The following ATM variants were observed in gnomAD, a reference collection of about 807,000 sequenced individuals.
ATM encodes serine-protein kinase ATM.
ATM carries 308 observed loss-of-function variants against 387.0 expected under a neutral mutation model. The ratio of observed to expected loss-of-function variants is 0.80; its 90% CI spans 0.73 to 0.87. ATM has a LOEUF of 0.87. Among genes scored for constraint, ATM ranks in the 40% least tolerant of loss-of-function variants. ATM has a pLI of 0.00. For synonymous variants in ATM, 1,156 were observed against 1,187.3 expected, an observed-to-expected ratio of 0.97 and a Z score of 0.54; for missense variants, 3,312 against 3,560.9, an observed-to-expected ratio of 0.93 and a Z score of 1.78.
intron 47 of ATM, 165 bp from the exon 48 acceptor site, chr11:108,327,480 G>C (rs1475002516): frequency 5.0e-6 from 3 of 595,720 alleles, no homozygotes; most frequent in Non-Finnish European, 6.0e-6. Flanking sequence ...TCCTACATGG[G>C]ATTATTAAAA....
intron 57 of ATM, among the ~76,000 whole-genome samples, chr11:108,343,716 T>A (rs188377629): frequency 7.9e-4 from 120 of 152,148 alleles, no homozygotes; most frequent in African/African-American, 2.7e-3. Flanking sequence ...AGAGGCTGAG[T>A]CTGGGGGATC....
chr11:108,254,042 G>A lies in ATM; in HGVS notation c.2124+3G>A, dbSNP rs1193263660. On this transcript the variant is annotated splice_donor_region_variant and intron_variant, in intron 13 of 62. Transcript: ENST00000675843. ...TTCTGAATAATTACTCATCTGAGGT[G>A]AGATTTTTTAAAAAAAGAACTAAGC... 6.2e-7 allele frequency: 1 copy of A among 1,612,508 alleles called. No individual in the cohort carries two copies. The highest frequency in any genetic ancestry group is 1.3e-5 in the African/African-American group (1 of 74,878).
At position 108,329,243 on chromosome 11, in the gene ATM, C is replaced by A; in HGVS notation, c.7307+5C>A. 1 of 1,607,832 alleles carries A rather than the reference C, an allele frequency of 6.2e-7. No homozygotes were observed. The highest frequency in any genetic ancestry group is 8.5e-7 in the Non-Finnish European group (1 of 1,175,062). ...ACATAAAATTCAGACAAACAGGTAA[C>A]TAGGTTTCTACAAGTGACAATTTTA... On this transcript the variant is annotated splice_donor_5th_base_variant and intron_variant, in intron 49 of 62. Transcript: ENST00000675843.
rs1427231252 is a variant in ATM, at chr11:108,362,463, G to T, written c.8851-2619G>T. ...CCCATTACTGGGTATATAACCAAAG[G>T]ACTATAAATCATGCTGCTATAAAGA... On this transcript the variant is annotated intron_variant, in intron 61 of 62. Transcript: ENST00000675843. 1.4e-3 allele frequency among the ~76,000 whole-genome samples: 218 copies of T among 151,426 alleles called. 1 individual carries two copies. Among genetic ancestry groups the T allele is most frequent in the Non-Finnish European group, 2.6e-3 (176 of 67,624 alleles).
At chr11:108,261,813 C>T (rs772313644) in intron 16 of ATM, among the ~76,000 whole-genome samples, 119 of 151,956 alleles carry the variant, frequency 7.8e-4, no homozygotes, top group African/African-American at 1.3e-3. Flanking sequence ...TGAAAACCAA[C>T]GCTAGAGAAC....
intron 39 of ATM, among the ~76,000 whole-genome samples, 165 bp downstream of exon 39, chr11:108,310,480 G>C (rs80070603): frequency 7.1e-4 from 108 of 152,180 alleles, no homozygotes; most frequent in Admixed American, 3.1e-3. Context: ...AAAGGAATAT[G>C]TAATTCCTGT....
chr11:108,273,408 C>G (rs1287082707), intron 22 of ATM, among the ~76,000 whole-genome samples: 1 of 125,144 alleles, frequency 8.0e-6, no homozygotes, highest in African/African-American at 3.2e-5. Context: ...ATGGTGTGAT[C>G]TCGGTTCACT....
chr11:108,272,712 TTTC>T lies in ATM; in HGVS notation c.3154-9_3154-7del. ...CTATTTCATATTTAACCACAGTTCT[TTTC>T]CCGTAGGCTGATCCTTATTCAAAAT... On this transcript the variant is annotated splice_polypyrimidine_tract_variant and splice_region_variant and intron_variant, in intron 21 of 62. Transcript: ENST00000675843. The T allele has an allele frequency of 6.2e-7, 1 of 1,613,988 alleles. No individual in the cohort carries two copies. Among genetic ancestry groups the T allele is most frequent in the Non-Finnish European group, 8.5e-7 (1 of 1,179,924 alleles).
intron 14 of ATM, among the ~76,000 whole-genome samples, chr11:108,256,913 A>G (rs1451223136): frequency 1.3e-5 from 2 of 152,164 alleles, no homozygotes; most frequent in Middle Eastern, 3.2e-3. Context: ...TATCCGGTCT[A>G]TCATTGATGG....
At chr11:108,224,012 C>G (rs1001832576) in intron 1 of ATM, 1 of 152,046 alleles carries the variant, frequency 6.6e-6, no homozygotes, top group Non-Finnish European at 1.5e-5. Flanking sequence ...GAGGTATGAG[C>G]GGAAGAAGAG....
rs751234924 is a variant in ATM at position 108,331,449 on chromosome 11, C to T, written c.7521C>T (p.Asp2507=). The T allele has an allele frequency of 7.2e-5, 116 of 1,610,900 alleles. No homozygotes were observed. Among genetic ancestry groups the T allele is most frequent in the East Asian group, 2.2e-4 (10 of 44,598 alleles). The change falls in exon 51 of 63, where the codon GAC becomes GAT. Residue 2507 remains aspartate (D), a synonymous_variant. Coordinates refer to ENST00000675843, the MANE Select transcript of ATM (RefSeq NM_000051.4). ...TGTCTTTTTTTTAATGGTAGAGAGA[C>T]GGAATGAAGATTCCAACATATAAAT... ...VSEVNGMMKR[D]GMKIPTYKFL...
chr11:108,274,480 T>A (rs1019293998), intron 22 of ATM, among the ~76,000 whole-genome samples: 7 of 152,228 alleles, frequency 4.6e-5, no homozygotes, highest in Non-Finnish European at 7.3e-5. Flanking sequence ...ATTTTAGATC[T>A]TTCCCACTTT....
chr11:108,343,150 G>C (rs2136933897), intron 56 of ATM, 72 bp from the exon 57 acceptor site: 2 of 1,582,482 alleles, frequency 1.3e-6, no homozygotes, highest in South Asian at 1.1e-5. Flanking sequence ...CACTGACTCT[G>C]ATAGCTGAAT....
chr11:108,363,924 T>A (rs1458391512), intron 61 of ATM, among the ~76,000 whole-genome samples: 1 of 152,176 alleles, frequency 6.6e-6, no homozygotes, highest in Non-Finnish European at 1.5e-5. Context: ...ATAAAATATA[T>A]TAATATTTCC....
intron 10 of ATM, 149 bp from the exon 11 acceptor site, chr11:108,251,688 A>C: frequency 1.3e-6 from 1 of 771,042 alleles, no homozygotes; most frequent in East Asian, 2.7e-5. Context: ...TTTAATCAAG[A>C]ATCTTCCCAA....
chr11:108,348,727 C>A (rs902553788), intron 59 of ATM, among the ~76,000 whole-genome samples: 1 of 151,892 alleles, frequency 6.6e-6, no homozygotes, highest in Non-Finnish European at 1.5e-5. Context: ...CAAAGAAATT[C>A]TCAGAAAATA....
intron 61 of ATM, among the ~76,000 whole-genome samples, chr11:108,361,091 C>T (rs1289946407): frequency 6.8e-5 from 9 of 132,174 alleles, no homozygotes; most frequent in South Asian, 2.7e-4. Flanking sequence ...TAAGCAACTT[C>T]AGCAAAGTCT....
chr11:108,318,298 GT>G (rs1268611184), intron 43 of ATM, among the ~76,000 whole-genome samples: 2 of 151,936 alleles, frequency 1.3e-5, no homozygotes, highest in African/African-American at 4.8e-5. Context: ...GGAGACGGAG[GT>G]TGCAGTGAGC....
At position 108,289,670 on chromosome 11, in the gene ATM, G is replaced by A. The variant is rs763567469; in HGVS notation, c.4305G>A (p.Lys1435=). ...CTGAAACAAATAATGTTTATAAGAA[G>A]CACAGAATTCTTAAAATATATCACC... ...QAAETNNVYK[K]HRILKIYHLF... The change falls in exon 29 of 63, where the codon AAG becomes AAA. Residue 1435 remains lysine (K), a synonymous_variant. Coordinates refer to ENST00000675843, the MANE Select transcript of ATM (RefSeq NM_000051.4). 7 of 1,613,000 alleles carry A rather than the reference G, an allele frequency of 4.3e-6. No individual in the cohort carries two copies. The South Asian group carries it at 7.7e-5, about 18-fold the overall frequency.
Sources: allele counts gnomAD v4.1 joint callset (sites outside exome capture counted in the v4.1 genomes callset), GRCh38; gene constraint gnomAD v4.1.1; transcripts MANE v1.5; gene names NCBI Gene and HGNC (gene_info 2026-07-23, HGNC 2026-07-21).